P2RX3: variants seen among roughly 807,000 people sequenced by gnomAD.
The protein encoded by P2RX3 is purinergic receptor P2X 3, also known as P2X purinoceptor 3.
Under a neutral mutation model 51.5 loss-of-function variants are expected in P2RX3, and 41 were observed. The ratio of observed to expected loss-of-function variants is 0.80; its 90% CI spans 0.62 to 1.03. The LOEUF (loss-of-function observed/expected upper bound fraction) is 1.03. P2RX3 is among the 50% of genes least tolerant of loss of function. The pLI is 0.00. For missense variants in P2RX3, 459 were observed against 522.1 expected (o/e 0.88, Z 1.18); for synonymous variants, 185 against 191.6 (o/e 0.97, Z 0.29).
At chr11:57,351,896 A>C (rs979515746) in intron 8 of P2RX3, among the ~76,000 whole-genome samples, 2 of 152,162 alleles carry the variant, frequency 1.3e-5, no homozygotes, top group Non-Finnish European at 2.9e-5. Context: ...ATACAATGTG[A>C]TGTTTTGATA....
rs1856864436 is a variant in P2RX3, at chr11:57,370,240, C to A, written c.*243C>A. The A allele has an allele frequency of 1.9e-6, 1 of 516,598 alleles. No homozygotes were observed. The highest frequency in any genetic ancestry group is 3.5e-6 in the Non-Finnish European group (1 of 288,522). 32.0% of individuals were successfully genotyped at this position (516,598 alleles called of 1,614,324 possible). A position where few individuals can be genotyped will look rare whatever the true frequency, so the allele number is the denominator to read the frequency against. On this transcript the variant is annotated 3_prime_UTR_variant, in exon 12 of 12. Transcript: ENST00000263314. ...CATCTGCTTCCTAGGACCCCTGGGG[C>A]AGGAGCACCTGAGCCATCCCCTTCC...
At position 57,370,153 on chromosome 11, in the gene P2RX3, C is replaced by G. The variant is rs1856863035; in HGVS notation, c.*156C>G. On this transcript the variant is annotated 3_prime_UTR_variant, in exon 12 of 12. Transcript: ENST00000263314. ...CCAAGTGTCTGGGCCTCCGACTGCT[C>G]CAGCAGACAGGCAGTGCTCCCTGCT... 3.3e-6 allele frequency: 2 copies of G among 608,398 alleles called. No individual in the cohort carries two copies. The highest frequency in any genetic ancestry group is 5.8e-6 in the Non-Finnish European group (2 of 342,338). The allele number at this position is 608,398 out of a possible 1,614,324, so 37.7% of individuals were successfully genotyped here.
chr11:57,350,606 G>C, intron 7 of P2RX3, 156 bp from the exon 8 acceptor site: 1 of 991,798 alleles, frequency 1.0e-6, no homozygotes, highest in Non-Finnish European at 1.5e-6. Context: ...TTACTGAGCA[G>C]TATATGACAT....
rs1418933827 is a variant in P2RX3 at position 57,371,341 on chromosome 11, T to C, written c.*1344T>C. 1.3e-5 allele frequency among the ~76,000 whole-genome samples: 2 copies of C among 152,128 alleles called. No individual in the cohort carries two copies. The highest frequency in any genetic ancestry group is 4.8e-5 in the African/African-American group (2 of 41,428). Reference sequence around the variant, plus strand: ...TCTTTAGAAAGAATACAAAATTAGGTATTAGAAGGGGCTCATGCAAGTGAA... The same window carrying C: ...TCTTTAGAAAGAATACAAAATTAGGCATTAGAAGGGGCTCATGCAAGTGAA... On this transcript the variant is annotated 3_prime_UTR_variant, in exon 12 of 12. Coordinates refer to ENST00000263314, the MANE Select transcript of P2RX3 (RefSeq NM_002559.5).
At chr11:57,340,664 G>C (rs1856322141) in intron 1 of P2RX3, 2 of 152,360 alleles carry the variant, frequency 1.3e-5, no homozygotes, top group South Asian at 4.1e-4. Flanking sequence ...CGGAAGGCAA[G>C]AGATGGCATT....
At chr11:57,369,274 T>C (rs771094631) in intron 10 of P2RX3, 87 bp from the exon 11 acceptor site, 3 of 1,143,488 alleles carry the variant, frequency 2.6e-6, no homozygotes, top group Non-Finnish European at 3.8e-6. Flanking sequence ...AGCTTGGGGG[T>C]GCTGCCCGAG....
chr11:57,371,122 G>A lies in P2RX3; in HGVS notation c.*1125G>A, dbSNP rs1340684706. 2.0e-5 allele frequency among the ~76,000 whole-genome samples: 3 copies of A among 152,188 alleles called. No homozygotes were observed. Among genetic ancestry groups the A allele is most frequent in the Non-Finnish European group, 2.9e-5 (2 of 68,042 alleles). The stretch of plus-strand genomic sequence containing the variant: ...GACTGGTTCAGTGCCACAGTTCATG[G>A]CCAAAAAGGAACCCACATGTCCTGG... On this transcript the variant is annotated 3_prime_UTR_variant, in exon 12 of 12. Coordinates refer to ENST00000263314, the MANE Select transcript of P2RX3 (RefSeq NM_002559.5).
chr11:57,350,812 C>A lies in P2RX3; in HGVS notation c.756C>A (p.Ala252=). 6.2e-7 allele frequency: 1 copy of A among 1,614,034 alleles called. No homozygotes were observed. The highest frequency in any genetic ancestry group is 8.5e-7 in the Non-Finnish European group (1 of 1,180,014). ...GCTGGGTGTGCGACTTGGACAAGGC[C>A]TGGGACCAGTGCATCCCCAAATACT... ...KIGWVCDLDK[A]WDQCIPKYSF... The change falls in exon 8 of 12, where the codon GCC becomes GCA. Residue 252 remains alanine (A), a synonymous_variant. Coordinates refer to ENST00000263314, the MANE Select transcript of P2RX3 (RefSeq NM_002559.5).
chr11:57,358,333 A>G (rs1350128956), intron 8 of P2RX3, among the ~76,000 whole-genome samples: 3 of 152,246 alleles, frequency 2.0e-5, no homozygotes, highest in Admixed American at 2.0e-4. Context: ...CTTCCAGATT[A>G]TATCACATGC....
intron 8 of P2RX3, among the ~76,000 whole-genome samples, chr11:57,359,810 G>A (rs1011855445): frequency 1.3e-5 from 2 of 152,296 alleles, no homozygotes; most frequent in East Asian, 1.9e-4. Context: ...AGTAGCCTAT[G>A]GAGCATGTCT....
At chr11:57,345,962 A>T (rs1856424159) in intron 1 of P2RX3, among the ~76,000 whole-genome samples, 2 of 148,186 alleles carry the variant, frequency 1.3e-5, no homozygotes, top group South Asian at 2.1e-4. Flanking sequence ...CTCATCTGAC[A>T]CCTGGGCAGA....
intron 8 of P2RX3, among the ~76,000 whole-genome samples, chr11:57,366,827 T>C (rs2134449075): frequency 6.6e-6 from 1 of 152,182 alleles, no homozygotes; most frequent in South Asian, 2.1e-4. Context: ...CTCTTCCTCT[T>C]CTTACAAACC....
intron 8 of P2RX3, among the ~76,000 whole-genome samples, chr11:57,364,928 C>T (rs761775103): frequency 6.6e-6 from 1 of 152,188 alleles, no homozygotes; most frequent in Non-Finnish European, 1.5e-5. Flanking sequence ...CCCCTTGCCT[C>T]CCCTGCCCCT....
chr11:57,345,445 G>A (rs1856413630), intron 1 of P2RX3, among the ~76,000 whole-genome samples: 1 of 152,166 alleles, frequency 6.6e-6, no homozygotes, highest in South Asian at 2.1e-4. Context: ...CGGGGAGGGA[G>A]GAGGGTTGCA....
chr11:57,338,677 T>C lies in P2RX3; in HGVS notation c.119+8T>C, dbSNP rs1856281683. ...CATCTCCTACTTTGTAGGGTGAGTC[T>C]GTGGCCTTTCAGGTTCCTGGCGGGG... is the stretch of plus-strand genomic sequence containing the variant. On this transcript the variant is annotated splice_region_variant and intron_variant, in intron 1 of 11. Transcript: ENST00000263314. 1.3e-6 allele frequency: 2 copies of C among 1,563,132 alleles called. No individual in the cohort carries two copies. The highest frequency in any genetic ancestry group is 3.4e-5 in the Admixed American group (2 of 59,482).
At chr11:57,337,727 G>C (rs1178227357), upstream of P2RX3, among the ~76,000 whole-genome samples, 1 of 152,144 alleles carries the variant, frequency 6.6e-6, no homozygotes, top group Non-Finnish European at 1.5e-5. Flanking sequence ...TGTAAATGAC[G>C]GGTATATTTA....
intron 6 of P2RX3, among the ~76,000 whole-genome samples, chr11:57,349,352 G>C (rs1856500323): frequency 6.6e-6 from 1 of 151,458 alleles, no homozygotes; most frequent in Non-Finnish European, 1.5e-5. Context: ...TGTAATCCCA[G>C]CTACTTGGGA....
Position 57,348,261 on chromosome 11 carries a change from A to G in P2RX3, c.483A>G (p.Glu161=). The change falls in exon 5 of 12, where the codon GAA becomes GAG. Residue 161 remains glutamate, a splice_region_variant and synonymous_variant. Transcript: ENST00000263314. ...GWCPTEVDTV[E]TPIMMEAENF... ...GCCCCACGGAGGTGGACACAGTGGA[A>G]ACGTAAGGCTCCAAGCCAGACAGGA... The G allele has an allele frequency of 6.2e-7, 1 of 1,600,056 alleles. No individual in the cohort carries two copies. The highest frequency in any genetic ancestry group is 8.5e-7 in the Non-Finnish European group (1 of 1,173,790).
chr11:57,364,985 G>C (rs1815769), intron 8 of P2RX3, among the ~76,000 whole-genome samples: 124,803 of 152,148 alleles, frequency 0.82, 51,958 homozygotes, highest in East Asian at 0.98. Context: ...AGGTCAGGCT[G>C]CCCTGGAAAC....
Sources: allele counts gnomAD v4.1 joint callset (sites outside exome capture counted in the v4.1 genomes callset), GRCh38; gene constraint gnomAD v4.1.1; transcripts MANE v1.5; gene names NCBI Gene and HGNC (gene_info 2026-07-23, HGNC 2026-07-21).